Variants in RYK observed in about 807,000 individuals in gnomAD.
The protein encoded by RYK is receptor like tyrosine kinase.
A neutral mutation model predicts 70.2 loss-of-function variants in RYK; 21 were observed. The ratio of observed to expected loss-of-function variants is 0.30; its 90% CI spans 0.21 to 0.43. RYK has a LOEUF of 0.43. Among genes scored for constraint, RYK ranks in the 20% least tolerant of loss-of-function variants. The probability of loss-of-function intolerance (pLI) is 1.00; values close to 1 mark genes in which losing one functional copy is unlikely to be tolerated. For synonymous variants in RYK, 267 were observed against 278.0 expected, an observed-to-expected ratio of 0.96 and a Z score of 0.39; for missense variants, 604 against 753.3, an observed-to-expected ratio of 0.80 and a Z score of 2.32.
Position 134,211,509 on chromosome 3 carries a change from T to C in RYK, c.453A>G (p.Ser151=), listed in dbSNP as rs368232049. 6.8e-6 allele frequency: 11 copies of C among 1,606,882 alleles called. No individual in the cohort carries two copies. The highest frequency in any genetic ancestry group is 9.4e-6 in the Non-Finnish European group (11 of 1,175,174). ...CTGTCTTTGAAGACTCTTACTTACC[T>C]GATAAAGTGCGTGGAACTTCCCCCT... The part of the protein sequence containing the change: ...SVQGEVPRTL[S]VFRVELSCTG... The change falls in exon 3 of 15, where the codon TCA becomes TCG. Residue 151 remains serine (S), a splice_region_variant and synonymous_variant. Transcript: ENST00000623711.
intron 13 of RYK, among the ~76,000 whole-genome samples, chr3:134,174,563 A>C (rs1298875572): frequency 2.6e-5 from 4 of 152,190 alleles, no homozygotes; most frequent in Admixed American, 2.0e-4. Flanking sequence ...ACACAAACAG[A>C]TTATCACTGA....
intron 1 of RYK, among the ~76,000 whole-genome samples, chr3:134,240,483 G>A (rs1017994608): frequency 6.6e-6 from 1 of 152,070 alleles, no homozygotes; most frequent in East Asian, 1.9e-4. Context: ...CCATTCACAG[G>A]GGACTTTTTA....
intron 1 of RYK, among the ~76,000 whole-genome samples, chr3:134,248,797 TA>T (rs200495709): frequency 4.6e-5 from 7 of 151,568 alleles, no homozygotes; most frequent in Admixed American, 6.6e-5. Flanking sequence ...AGACTCCGTC[TA>T]AAAAAAAATT....
intron 2 of RYK, among the ~76,000 whole-genome samples, chr3:134,214,671 C>A (rs1269684325): frequency 6.6e-6 from 1 of 152,220 alleles, no homozygotes; most frequent in African/African-American, 2.4e-5. Flanking sequence ...GACCTCCAGT[C>A]TCAGGGGAGG....
intron 13 of RYK, among the ~76,000 whole-genome samples, chr3:134,164,425 A>T (rs2012586745): frequency 6.6e-6 from 1 of 152,168 alleles, no homozygotes; most frequent in Non-Finnish European, 1.5e-5. Context: ...CCCTACCACC[A>T]GCACTACCAT....
chr3:134,182,884 A>T (rs2013345100), intron 10 of RYK, 118 bp downstream of exon 10: 1 of 532,460 alleles, frequency 1.9e-6, no homozygotes, highest in Non-Finnish European at 3.2e-6. Flanking sequence ...CAGAAAAAAA[A>T]ATTAAGCTAT....
At chr3:134,230,873 A>G (rs2015040073) in intron 1 of RYK, among the ~76,000 whole-genome samples, 1 of 152,222 alleles carries the variant, frequency 6.6e-6, no homozygotes, top group Non-Finnish European at 1.5e-5. Context: ...TTAACACTCA[A>G]TGGTTTTTAC....
intron 8 of RYK, among the ~76,000 whole-genome samples, chr3:134,189,445 G>A (rs1254111900): frequency 1.3e-5 from 2 of 151,988 alleles, no homozygotes; most frequent in Non-Finnish European, 2.9e-5. Flanking sequence ...CGGTTCACTG[G>A]TAAAATGTGT....
intron 1 of RYK, among the ~76,000 whole-genome samples, chr3:134,237,681 T>C (rs954132364): frequency 1.3e-5 from 2 of 152,210 alleles, no homozygotes; most frequent in African/African-American, 2.4e-5. Context: ...CCGCCCTCTC[T>C]AGACAACAAT....
chr3:134,184,155 C>G (rs2013388473), intron 9 of RYK, among the ~76,000 whole-genome samples: 1 of 152,114 alleles, frequency 6.6e-6, no homozygotes, highest in South Asian at 2.1e-4. Flanking sequence ...ACTAATAATA[C>G]AGTAGTAAAA....
At chr3:134,219,274 G>A (rs1470553924) in intron 2 of RYK, among the ~76,000 whole-genome samples, 1 of 152,076 alleles carries the variant, frequency 6.6e-6, no homozygotes, top group Non-Finnish European at 1.5e-5. Context: ...CTAAGACTCA[G>A]ACACCCATTA....
chr3:134,218,176 C>A (rs550863548), intron 2 of RYK, among the ~76,000 whole-genome samples: 3 of 152,240 alleles, frequency 2.0e-5, no homozygotes, highest in South Asian at 2.1e-4. Flanking sequence ...GTGTACCCAG[C>A]CTATATGTTT....
intron 1 of RYK, among the ~76,000 whole-genome samples, chr3:134,223,124 C>CCAAG (rs2014791355): frequency 6.6e-6 from 1 of 152,164 alleles, no homozygotes; most frequent in Non-Finnish European, 1.5e-5. Context: ...AAGGGAAGAA[C>CCAAG]ACTATGTTTT....
intron 11 of RYK, among the ~76,000 whole-genome samples, chr3:134,177,513 A>G (rs1008099473): frequency 2.6e-5 from 4 of 152,222 alleles, no homozygotes; most frequent in African/African-American, 9.7e-5. Context: ...ACAGCCACGC[A>G]TATTAACAAT....
intron 13 of RYK, among the ~76,000 whole-genome samples, chr3:134,174,920 A>G (rs80281479): frequency 0.091 from 13,881 of 152,250 alleles, 1,293 homozygotes; most frequent in South Asian, 0.32. Flanking sequence ...TTTATGATCT[A>G]GCAACTATTT....
intron 10 of RYK, among the ~76,000 whole-genome samples, chr3:134,182,045 C>T (rs1302851730): frequency 6.6e-6 from 1 of 151,850 alleles, no homozygotes; most frequent in African/African-American, 2.4e-5. Flanking sequence ...GTCCCAGCTA[C>T]TCAGGAGGCT....
At chr3:134,182,970 A>T in intron 10 of RYK, 32 bp downstream of exon 10, 1 of 1,466,230 alleles carries the variant, frequency 6.8e-7, no homozygotes, top group Non-Finnish European at 9.3e-7. Flanking sequence ...TGCCATGCTC[A>T]ACACTGAAAT....
At chr3:134,180,013 G>C (rs997175753) in intron 10 of RYK, 2 of 152,108 alleles carry the variant, frequency 1.3e-5, no homozygotes, top group Non-Finnish European at 2.9e-5. Context: ...GGAAGGTCTG[G>C]ATCTCTAAGA....
At chr3:134,161,505 C>T (rs2108139037) in intron 13 of RYK, among the ~76,000 whole-genome samples, 1 of 152,186 alleles carries the variant, frequency 6.6e-6, no homozygotes, top group Non-Finnish European at 1.5e-5. Context: ...ATGTCCTTAG[C>T]CAGAGCAAAA....
Sources: allele counts gnomAD v4.1 joint callset (sites outside exome capture counted in the v4.1 genomes callset), GRCh38; gene constraint gnomAD v4.1.1; transcripts MANE v1.5; gene names NCBI Gene and HGNC (gene_info 2026-07-23, HGNC 2026-07-21).